Variants in LRRC8B observed in about 807,000 individuals in gnomAD.
The protein encoded by LRRC8B is leucine rich repeat containing 8 VRAC subunit B.
In LRRC8B, 23 loss-of-function variants were observed where a neutral mutation model predicts 58.8. The ratio of observed to expected loss-of-function variants is 0.39; its 90% CI spans 0.28 to 0.55. LRRC8B has a LOEUF of 0.55. LRRC8B is among the 20% of genes least tolerant of loss of function. The probability of loss-of-function intolerance (pLI) is 0.62; values close to 1 mark genes in which losing one functional copy is unlikely to be tolerated. For missense variants in LRRC8B, 694 were observed against 936.0 expected (o/e 0.74, Z 3.37); for synonymous variants, 359 against 374.1 (o/e 0.96, Z 0.47).
At chr1:89,576,941 A>T (rs1653895647) in intron 3 of LRRC8B, among the ~76,000 whole-genome samples, 1 of 124,578 alleles carries the variant, frequency 8.0e-6, no homozygotes, top group Non-Finnish European at 2.0e-5. Context: ...GAAAAGGGGC[A>T]TATTAATCAG....
chr1:89,584,197 A>T lies in LRRC8B; in HGVS notation c.1547A>T (p.Tyr516Phe). 1.9e-6 allele frequency: 3 copies of T among 1,611,458 alleles called. No homozygotes were observed. Among genetic ancestry groups the T allele is most frequent in the Non-Finnish European group, 2.5e-6 (3 of 1,180,008 alleles). The change falls in exon 5 of 6, where the codon TAT becomes TTT. Residue 516 changes from tyrosine (Y) to phenylalanine (F), a missense_variant. Transcript: ENST00000330947. ...CACCTCAAGAATCTCAAGGAACTTT[A>T]TCTTTCGGGCTGTGTTCTCCCTGAA... The part of the protein sequence containing the change: ...VFHLKNLKEL[Y>F]LSGCVLPEQL...
chr1:89,564,170 A>C, intron 1 of LRRC8B, among the ~76,000 whole-genome samples: 1 of 152,220 alleles, frequency 6.6e-6, no homozygotes, highest in East Asian at 1.9e-4. Flanking sequence ...ATGTTTCTTC[A>C]TAAGAGGCTG....
At chr1:89,587,890 A>C (rs359943) in intron 5 of LRRC8B, 99,382 of 152,066 alleles carry the variant, frequency 0.65, 32,601 homozygotes, top group South Asian at 0.74. Flanking sequence ...GGATACACTG[A>C]CGAGGACCTT....
rs1029129527 is a variant in LRRC8B at position 89,534,000 on chromosome 1, A to G, written c.-241+8978A>G. On this transcript the variant is annotated intron_variant, in intron 1 of 5. Transcript: ENST00000330947. Reference sequence around the variant, plus strand: ...ACATTTACTGTTTTCAGAGTTCCAGATTTAGCAACTTGTAGGGGATGCTTG... The same window carrying G: ...ACATTTACTGTTTTCAGAGTTCCAGGTTTAGCAACTTGTAGGGGATGCTTG... Among the ~76,000 whole-genome samples the G allele has an allele frequency of 9.2e-5, 14 of 152,204 alleles. 1 individual carries two copies. Among genetic ancestry groups the G allele is most frequent in the Non-Finnish European group, 1.9e-4 (13 of 68,038 alleles).
rs1655137647 is a variant in LRRC8B at position 89,593,700 on chromosome 1, C to G, written c.*657C>G. 1 of 152,178 alleles carries G rather than the reference C, an allele frequency of 6.6e-6. No individual in the cohort carries two copies. The highest frequency in any genetic ancestry group is 1.5e-5 in the Non-Finnish European group (1 of 68,050). The allele number at this position is 152,178 out of a possible 1,614,324, so 9.4% of individuals were successfully genotyped here. ...TCTCTCCTCTTCTTCCCCCAGTCCC[C>G]ATTACTTATTTGCACACTTGTTTTA... On this transcript the variant is annotated 3_prime_UTR_variant, in exon 6 of 6. Transcript: ENST00000330947.
At chr1:89,551,449 G>A (rs1393366546) in intron 1 of LRRC8B, among the ~76,000 whole-genome samples, 1 of 152,074 alleles carries the variant, frequency 6.6e-6, no homozygotes, top group Non-Finnish European at 1.5e-5. Flanking sequence ...GATGTTCAGA[G>A]TTGTTCCACT....
chr1:89,544,983 C>T (rs1005872299), intron 1 of LRRC8B, among the ~76,000 whole-genome samples: 4 of 152,104 alleles, frequency 2.6e-5, no homozygotes, highest in South Asian at 2.1e-4. Context: ...CAATTTTTAA[C>T]GTAATAGGAA....
rs1398359310 is a variant in LRRC8B, at chr1:89,588,547, A to G, written c.2139+3758A>G. On this transcript the variant is annotated intron_variant, in intron 5 of 5. Transcript: ENST00000330947. Reference sequence around the variant, plus strand: ...TAATAAGAGATGAGACCATTTAGTAAGGTGGGTCAGAATGGAGAGTGCCTG... The same window carrying G: ...TAATAAGAGATGAGACCATTTAGTAGGGTGGGTCAGAATGGAGAGTGCCTG... 3.9e-5 allele frequency among the ~76,000 whole-genome samples: 6 copies of G among 152,342 alleles called. No homozygotes were observed. In the East Asian group the frequency reaches 1.2e-3, roughly 29 times the overall value.
chr1:89,584,633 C>G lies in LRRC8B; in HGVS notation c.1983C>G (p.Leu661=), dbSNP rs751844305. ...GGGCATTATCTAACCTAGAGCAGCTCTCTTTGGACCATAATAATATTGAGA... is the reference window on the plus strand; with the variant it reads ...GGGCATTATCTAACCTAGAGCAGCTGTCTTTGGACCATAATAATATTGAGA... ...QIGALSNLEQ[L]SLDHNNIENL... Residue 661 remains leucine, a synonymous_variant, in exon 5 of 6, where the codon CTC becomes CTG. Coordinates refer to ENST00000330947, the MANE Select transcript of LRRC8B (RefSeq NM_001369817.2). 4 of 1,613,914 alleles carry G rather than the reference C, an allele frequency of 2.5e-6. No individual in the cohort carries two copies. Among genetic ancestry groups the G allele is most frequent in the African/African-American group, 1.3e-5 (1 of 74,918 alleles).
chr1:89,555,687 A>G (rs1652135383), intron 1 of LRRC8B, among the ~76,000 whole-genome samples: 1 of 152,198 alleles, frequency 6.6e-6, no homozygotes, highest in Admixed American at 6.5e-5. Flanking sequence ...CCCTTAGGAA[A>G]TAACTTTCTT....
chr1:89,543,794 C>A (rs1651200058), intron 1 of LRRC8B, among the ~76,000 whole-genome samples: 1 of 150,050 alleles, frequency 6.7e-6, no homozygotes, highest in Non-Finnish European at 1.5e-5. Context: ...CCATCCCTGG[C>A]CATTTTTTTT....
At chr1:89,560,349 C>A (rs189282866) in intron 1 of LRRC8B, among the ~76,000 whole-genome samples, 20 of 152,088 alleles carry the variant, frequency 1.3e-4, no homozygotes, top group African/African-American at 4.8e-4. Context: ...ATTATTAACT[C>A]ATATATAAGG....
intron 1 of LRRC8B, among the ~76,000 whole-genome samples, chr1:89,549,390 A>G (rs1006471767): frequency 1.3e-5 from 2 of 152,236 alleles, no homozygotes; most frequent in African/African-American, 4.8e-5. Flanking sequence ...CCATTAGAGA[A>G]CAAAGTAAAG....
At chr1:89,557,830 G>A (rs1419750273) in intron 1 of LRRC8B, among the ~76,000 whole-genome samples, 1 of 152,130 alleles carries the variant, frequency 6.6e-6, no homozygotes, top group Admixed American at 6.5e-5. Context: ...TTGAAATTAG[G>A]AAATTTATAC....
At chr1:89,551,016 A>G (rs1651765743) in intron 1 of LRRC8B, among the ~76,000 whole-genome samples, 1 of 152,180 alleles carries the variant, frequency 6.6e-6, no homozygotes, top group South Asian at 2.1e-4. Flanking sequence ...GGAATCTCCA[A>G]CCGTAAATGT....
intron 1 of LRRC8B, among the ~76,000 whole-genome samples, chr1:89,566,037 TAA>T (rs1653025925): frequency 6.6e-6 from 1 of 152,158 alleles, no homozygotes; most frequent in South Asian, 2.1e-4. Context: ...TTAATCTAGT[TAA>T]GTTTCCAGAG....
At chr1:89,529,478 G>GTCTCTC (rs35629610) in intron 1 of LRRC8B, among the ~76,000 whole-genome samples, 1 of 150,718 alleles carries the variant, frequency 6.6e-6, no homozygotes, top group Non-Finnish European at 1.5e-5. Flanking sequence ...TGCAACCATA[G>GTCTCTC]TCTCTCTCTC....
intron 1 of LRRC8B, among the ~76,000 whole-genome samples, chr1:89,548,035 T>G (rs1256499247): frequency 6.6e-6 from 1 of 152,252 alleles, no homozygotes; most frequent in African/African-American, 2.4e-5. Context: ...TGACAGCCTT[T>G]CTAAATATTG....
Position 89,596,598 on chromosome 1 carries a change from TTG to T in LRRC8B, c.*3559_*3560del, listed in dbSNP as rs1368020292. On this transcript the variant is annotated 3_prime_UTR_variant, in exon 6 of 6. Transcript: ENST00000330947. ...ATTCTGTGCCCTTAACATTATTTTC[TTG>T]TGTTTTCAATAAAATTTTCTTTTCA... 5 of 152,172 alleles carry T rather than the reference TTG, an allele frequency of 3.3e-5. No homozygotes were observed. Among genetic ancestry groups the T allele is most frequent in the Non-Finnish European group, 5.9e-5 (4 of 67,998 alleles). 9.4% of individuals were successfully genotyped at this position (152,172 alleles called of 1,614,324 possible). A position where few individuals can be genotyped will look rare whatever the true frequency, so the allele number is the denominator to read the frequency against.
Sources: gnomAD v4.1 joint callset for allele counts (sites outside exome capture counted in the v4.1 genomes callset) on GRCh38, gnomAD v4.1.1 for gene constraint, MANE v1.5 for transcripts, NCBI Gene and HGNC (gene_info 2026-07-23, HGNC 2026-07-21) for gene names.